The following GPC6 variants were observed in gnomAD, a reference collection of about 807,000 sequenced individuals.
GPC6 encodes the protein glypican-6.
Under a neutral mutation model 55.2 loss-of-function variants are expected in GPC6, and 14 were observed. The observed-to-expected ratio is 0.25, with a 90% CI of 0.17 to 0.40. GPC6 has a LOEUF of 0.40. Ranked by LOEUF, GPC6 falls within the 10% of genes least tolerant of loss-of-function variation. The pLI is 1.00. For synonymous variants in GPC6, 278 were observed against 259.6 expected (o/e 1.07, Z -0.68); for missense variants, 641 against 708.5 (o/e 0.90, Z 1.08).
intron 5 of GPC6, among the ~76,000 whole-genome samples, chr13:94,305,048 A>T (rs890430606): frequency 2.0e-5 from 3 of 152,262 alleles, no homozygotes; most frequent in African/African-American, 7.2e-5. Flanking sequence ...GGATGTTTAT[A>T]GAATGCCAAA....
intron 4 of GPC6, among the ~76,000 whole-genome samples, chr13:94,237,029 C>T (rs551518459): frequency 6.6e-6 from 1 of 151,938 alleles, no homozygotes; most frequent in Non-Finnish European, 1.5e-5. Context: ...TCATATTGCT[C>T]CAAGAGTAAT....
At position 93,744,528 on chromosome 13, in the gene GPC6, C is replaced by CTTTTTTTTTTTTTTTTTT. The variant is rs71736430; in HGVS notation, c.320-85617_320-85600dup. 3.1e-5 allele frequency among the ~76,000 whole-genome samples: 3 copies of CTTTTTTTTTTTTTTTTTT among 97,234 alleles called. 1 individual carries two copies. Among genetic ancestry groups the CTTTTTTTTTTTTTTTTTT allele is most frequent in the African/African-American group, 8.9e-5 (2 of 22,412 alleles). 63.8% of individuals were successfully genotyped at this position (97,234 alleles called of 152,430 possible). A position where few individuals can be genotyped will look rare whatever the true frequency, so the allele number is the denominator to read the frequency against. ...TTCCTCCAAACCTGCTTTCCCTAGT[C>CTTTTTTTTTTTTTTTTTT]TTTTTTTTTTTTTTTTTTTTTTTTT... On this transcript the variant is annotated intron_variant, in intron 2 of 8. Transcript: ENST00000377047.
intron 3 of GPC6, among the ~76,000 whole-genome samples, chr13:93,986,852 C>CT (rs1455897900): frequency 3.3e-5 from 5 of 152,192 alleles, no homozygotes; most frequent in Admixed American, 6.5e-5. Context: ...GTCAACTATT[C>CT]TTTTTGCAAA....
chr13:93,512,394 T>C (rs1178666053), intron 1 of GPC6, among the ~76,000 whole-genome samples: 4 of 152,076 alleles, frequency 2.6e-5, no homozygotes, highest in African/African-American at 9.7e-5. Flanking sequence ...TATTGAATTA[T>C]ATAAAATGTT....
chr13:94,336,920 T>A (rs1877735248), intron 6 of GPC6, among the ~76,000 whole-genome samples: 1 of 152,204 alleles, frequency 6.6e-6, no homozygotes, highest in Non-Finnish European at 1.5e-5. Flanking sequence ...AAAATGCTAA[T>A]GCTTCTAGGA....
chr13:93,505,122 A>T (rs1027043486), intron 1 of GPC6, among the ~76,000 whole-genome samples: 4 of 152,212 alleles, frequency 2.6e-5, no homozygotes, highest in African/African-American at 9.6e-5. Context: ...TGCATTAAAC[A>T]TAGCATAATA....
chr13:93,949,976 C>T (rs1879180613), intron 3 of GPC6, among the ~76,000 whole-genome samples: 1 of 152,146 alleles, frequency 6.6e-6, no homozygotes, highest in African/African-American at 2.4e-5. Context: ...GGTCCACTCG[C>T]CTTGGCCTCC....
chr13:93,872,811 G>A (rs74111013), intron 3 of GPC6, among the ~76,000 whole-genome samples: 3 of 151,898 alleles, frequency 2.0e-5, no homozygotes, highest in Admixed American at 6.6e-5. Context: ...TCTGCCTACC[G>A]CAGCAGCCAC....
intron 3 of GPC6, among the ~76,000 whole-genome samples, chr13:93,979,562 T>C (rs187852187): frequency 2.6e-5 from 4 of 152,100 alleles, no homozygotes; most frequent in Admixed American, 2.6e-4. Context: ...CATGACAAAT[T>C]AAGTACAGAA....
At chr13:94,037,231 G>A (rs147401167) in intron 4 of GPC6, among the ~76,000 whole-genome samples, 6 of 152,044 alleles carry the variant, frequency 3.9e-5, no homozygotes, top group African/African-American at 1.4e-4. Flanking sequence ...CAGCCTTGCA[G>A]TATTTTTCAA....
In GPC6 at chr13:93,227,407, A is replaced by G. The variant is rs756729241; in HGVS notation, c.-50A>G. 1.0e-4 allele frequency: 160 copies of G among 1,598,044 alleles called. No homozygotes were observed. In the East Asian group the frequency reaches 3.5e-3, roughly 35 times the overall value. Reference sequence around the variant, plus strand: ...GGCTTTCGGCTTGAGGGGCAAGGTGAAGAGCGCACCGGCCGTGGGGTTTAC... The same window carrying G: ...GGCTTTCGGCTTGAGGGGCAAGGTGGAGAGCGCACCGGCCGTGGGGTTTAC... On this transcript the variant is annotated 5_prime_UTR_variant, in exon 1 of 9. Coordinates refer to ENST00000377047, the MANE Select transcript of GPC6 (RefSeq NM_005708.5). This position sits in a 1 kb window ranked among gnomAD's most constrained non-coding sequence, Gnocchi z 4.3.
intron 2 of GPC6, among the ~76,000 whole-genome samples, chr13:93,775,582 G>T (rs773229637): frequency 1.3e-5 from 2 of 152,136 alleles, no homozygotes; most frequent in African/African-American, 2.4e-5. Flanking sequence ...GAAATAATAA[G>T]CACGTATATT....
intron 2 of GPC6, among the ~76,000 whole-genome samples, chr13:93,556,373 AGTGTGTGT>A (rs56706276): frequency 0.053 from 7,103 of 134,126 alleles, 611 homozygotes; most frequent in African/African-American, 0.18. Flanking sequence ...GTGGGTAAAT[AGTGTGTGT>A]GTGTGTGTGT....
At chr13:94,264,057 G>C (rs557060521) in intron 4 of GPC6, among the ~76,000 whole-genome samples, 6 of 152,284 alleles carry the variant, frequency 3.9e-5, no homozygotes, top group African/African-American at 1.4e-4. Flanking sequence ...TTGAGGTCTG[G>C]TGGGCAGAAG....
intron 4 of GPC6, among the ~76,000 whole-genome samples, chr13:94,251,433 C>T (rs559414414): frequency 2.0e-5 from 3 of 148,124 alleles, no homozygotes; most frequent in South Asian, 4.3e-4. Context: ...CAAACCTGCA[C>T]GTTCTGCACT....
At chr13:94,014,671 C>T (rs1048372755) in intron 3 of GPC6, among the ~76,000 whole-genome samples, 1 of 152,130 alleles carries the variant, frequency 6.6e-6, no homozygotes, top group African/African-American at 2.4e-5. Flanking sequence ...CAGTCATTCT[C>T]CAGCCCCCAC....
At chr13:93,656,659 T>C (rs1354469486) in intron 2 of GPC6, among the ~76,000 whole-genome samples, 1 of 152,088 alleles carries the variant, frequency 6.6e-6, no homozygotes, top group Non-Finnish European at 1.5e-5. Flanking sequence ...CTAGGGAGAA[T>C]ATATCTAATA....
At chr13:93,628,881 C>T (rs554434708) in intron 2 of GPC6, among the ~76,000 whole-genome samples, 4 of 151,322 alleles carry the variant, frequency 2.6e-5, no homozygotes, top group Non-Finnish European at 5.9e-5. Context: ...TTTTAAATAC[C>T]AAAAATTGGA....
At chr13:93,501,217 G>A (rs2139371914) in intron 1 of GPC6, among the ~76,000 whole-genome samples, 1 of 152,128 alleles carries the variant, frequency 6.6e-6, no homozygotes, top group South Asian at 2.1e-4. Flanking sequence ...AGTCATAGAG[G>A]ACATTTTCTA....
Sources: gnomAD v4.1 joint callset for allele counts (sites outside exome capture counted in the v4.1 genomes callset) on GRCh38, gnomAD v4.1.1 for gene constraint, Gnocchi (gnomAD v3.1) non-coding constraint, MANE v1.5 for transcripts, NCBI Gene and HGNC (gene_info 2026-07-23, HGNC 2026-07-21) for gene names.